The following RANBP2 variants were observed in gnomAD, a reference collection of about 807,000 sequenced individuals.
RANBP2 encodes the protein E3 SUMO-protein ligase RanBP2.
In RANBP2, 57 loss-of-function variants were observed where a neutral mutation model predicts 303.6. The observed-to-expected ratio is 0.19, with a 90% CI of 0.15 to 0.23. The LOEUF (loss-of-function observed/expected upper bound fraction) is 0.23. Ranked by LOEUF, RANBP2 falls within the 10% of genes least tolerant of loss-of-function variation. The pLI is 1.00. For missense variants in RANBP2, 3,138 were observed against 3,780.8 expected (o/e 0.83, Z 4.46); for synonymous variants, 1,167 against 1,301.5 (o/e 0.90, Z 2.23).
At chr2:108,971,398 C>G in the RANBP2 span, among the ~76,000 whole-genome samples, 1 of 151,964 alleles carries the variant, frequency 6.6e-6, no homozygotes, top group Non-Finnish European at 1.5e-5. Context: ...AACAAGACCC[C>G]CAGGTGATTT....
chr2:109,078,089 TATATATATA>T, the RANBP2 span, among the ~76,000 whole-genome samples: 8 of 10,492 alleles, frequency 7.6e-4, 2 homozygotes, highest in African/African-American at 1.1e-3. Context: ...TATATATATA[TATATATATA>T]TATATATATA....
rs1242824247 is a variant in RANBP2, at chr2:108,763,238, G to T, written c.2699G>T (p.Gly900Val). Reference protein sequence around the residue: ...RPAANVTPTKGPVYGMNRLPP... With the variant: ...RPAANVTPTKVPVYGMNRLPP... The stretch of plus-strand genomic sequence containing the variant: ...ATGTTTTAACTTTCTGTCTTTTAGG[G>T]CCCAGTCTATGGCATGAATAGGCTT... The change falls in exon 20 of 29, where the codon GGC (glycine) becomes GTC (valine). Residue 900 changes from glycine to valine, a missense_variant and splice_region_variant. Gly to Val is a moderately radical substitution (Grantham distance 109). Around this residue, in one of 20 missense-constraint regions of RANBP2, gnomAD observed 403 missense variants for 376.7 expected, o/e 1.07. Coordinates refer to ENST00000283195, the MANE Select transcript of RANBP2 (RefSeq NM_006267.5). 6.2e-7 allele frequency: 1 copy of T among 1,613,326 alleles called. No individual in the cohort carries two copies. The highest frequency in any genetic ancestry group is 8.5e-7 in the Non-Finnish European group (1 of 1,179,842).
the RANBP2 span, among the ~76,000 whole-genome samples, chr2:109,338,069 C>T: frequency 6.6e-6 from 1 of 152,204 alleles, no homozygotes; most frequent in African/African-American, 2.4e-5. Flanking sequence ...GTCTGTGTGT[C>T]ATGTGATGTG....
the RANBP2 span, chr2:109,732,782 AC>A: frequency 1.1e-6 from 1 of 872,074 alleles, no homozygotes; most frequent in East Asian, 2.6e-5. Flanking sequence ...ATTGGAACAG[AC>A]TTTTGGCTAC....
the RANBP2 span, among the ~76,000 whole-genome samples, chr2:109,663,090 C>T: frequency 6.6e-6 from 1 of 152,196 alleles, no homozygotes; most frequent in South Asian, 2.1e-4. Flanking sequence ...AGTGTCCTTC[C>T]CTCTCCCACA....
At chr2:109,289,625 T>C in the RANBP2 span, among the ~76,000 whole-genome samples, 1 of 152,212 alleles carries the variant, frequency 6.6e-6, no homozygotes, top group East Asian at 1.9e-4. Flanking sequence ...AGACATCACG[T>C]GGAAAGCTAT....
the RANBP2 span, among the ~76,000 whole-genome samples, chr2:108,972,953 G>A: frequency 6.6e-6 from 1 of 152,160 alleles, no homozygotes; most frequent in Non-Finnish European, 1.5e-5. Flanking sequence ...TTAGGAAGAG[G>A]TCTCAGCAGG....
chr2:108,848,728 A>G, the RANBP2 span, among the ~76,000 whole-genome samples: 1 of 152,232 alleles, frequency 6.6e-6, no homozygotes, highest in Non-Finnish European at 1.5e-5. Flanking sequence ...GGCTTAGCCA[A>G]CTTTAAAACA....
chr2:108,970,909 C>A, the RANBP2 span, among the ~76,000 whole-genome samples: 1 of 152,162 alleles, frequency 6.6e-6, no homozygotes, highest in African/African-American at 2.4e-5. Context: ...TTTGCTAATT[C>A]TTTTCTTTCC....
chr2:108,953,189 C>T, the RANBP2 span, among the ~76,000 whole-genome samples: 1 of 152,192 alleles, frequency 6.6e-6, no homozygotes, highest in Admixed American at 6.5e-5. Context: ...GGTGGCTGAG[C>T]TTTCTGCATT....
chr2:108,960,193 CCAG>C, the RANBP2 span, among the ~76,000 whole-genome samples: 684 of 152,308 alleles, frequency 4.5e-3, no homozygotes, highest in African/African-American at 0.016. Flanking sequence ...CTGGCAACCA[CCAG>C]TTCTCCCCGG....
At chr2:109,327,880 G>A in the RANBP2 span, among the ~76,000 whole-genome samples, 3 of 152,106 alleles carry the variant, frequency 2.0e-5, no homozygotes, top group South Asian at 6.2e-4. Flanking sequence ...TGTCAGTTTA[G>A]CAATTCATTT....
At chr2:109,449,500 C>G in the RANBP2 span, 1 of 1,612,708 alleles carries the variant, frequency 6.2e-7, no homozygotes, top group East Asian at 2.2e-5. Context: ...GTAAGAGGCC[C>G]ATCCTGGACG....
the RANBP2 span, among the ~76,000 whole-genome samples, chr2:109,205,146 A>G: frequency 2.0e-5 from 3 of 152,200 alleles, no homozygotes; most frequent in East Asian, 1.9e-4. Context: ...GATTGAGGCT[A>G]CAATGAGCCA....
the RANBP2 span, among the ~76,000 whole-genome samples, chr2:109,547,451 A>G: frequency 6.6e-6 from 1 of 151,044 alleles, no homozygotes; most frequent in African/African-American, 2.4e-5. Flanking sequence ...TCCCGTATAC[A>G]ACTGTTAAAT....
the RANBP2 span, among the ~76,000 whole-genome samples, chr2:109,021,593 TCTC>T: frequency 1.3e-5 from 2 of 150,276 alleles, no homozygotes; most frequent in Non-Finnish European, 1.5e-5. Context: ...ATGCGATAGT[TCTC>T]CTCCAGACCT....
chr2:109,155,910 G>A, the RANBP2 span, among the ~76,000 whole-genome samples: 2 of 152,244 alleles, frequency 1.3e-5, no homozygotes, highest in Admixed American at 6.5e-5. Flanking sequence ...ATTGTAACAA[G>A]TGCTGTATTG....
chr2:108,842,759 C>T, the RANBP2 span, among the ~76,000 whole-genome samples: 4 of 152,158 alleles, frequency 2.6e-5, no homozygotes, highest in Non-Finnish European at 5.9e-5. Flanking sequence ...TTAAAAGTGA[C>T]TGATCCCTGC....
At chr2:109,305,327 G>A in the RANBP2 span, among the ~76,000 whole-genome samples, 9 of 152,024 alleles carry the variant, frequency 5.9e-5, no homozygotes, top group Admixed American at 3.9e-4. Context: ...AGGATGAAGC[G>A]CCTCTTCTGT....
Sources: gnomAD v4.1 joint callset for allele counts (sites outside exome capture counted in the v4.1 genomes callset) on GRCh38, gnomAD v4.1.1 for gene constraint, gnomAD v4.1.1 regional missense constraint, MANE v1.5 for transcripts, NCBI Gene and HGNC (gene_info 2026-07-23, HGNC 2026-07-21) for gene names.